Variants in RASSF6 observed in about 807,000 individuals in gnomAD.
The protein encoded by RASSF6 is ras association domain-containing protein 6.
A neutral mutation model predicts 44.0 loss-of-function variants in RASSF6; 52 were observed. The ratio of observed to expected loss-of-function variants is 1.18; its 90% CI spans 0.95 to 1.49. The LOEUF is 1.49. RASSF6 is among the 40% of genes most tolerant of loss of function. The pLI, the probability that RASSF6 is intolerant of heterozygous loss-of-function variation, is 0.00. For synonymous variants in RASSF6, 162 were observed against 124.6 expected, an observed-to-expected ratio of 1.30 and a Z score of -2.00; for missense variants, 464 against 393.3, an observed-to-expected ratio of 1.18 and a Z score of -1.52.
intron 4 of RASSF6, among the ~76,000 whole-genome samples, chr4:73,590,738 G>A (rs915521139): frequency 6.6e-6 from 1 of 152,166 alleles, no homozygotes; most frequent in Non-Finnish European, 1.5e-5. Flanking sequence ...TCTTGTTTGC[G>A]TGTGGTTCTG....
At chr4:73,593,619 A>C in intron 3 of RASSF6, 26 bp from the exon 4 acceptor site, 1 of 1,602,132 alleles carries the variant, frequency 6.2e-7, no homozygotes, top group Non-Finnish European at 8.5e-7. Flanking sequence ...ATAATCCCCC[A>C]ATTGTTTTTG....
chr4:73,612,248 A>G (rs985176225), intron 1 of RASSF6, among the ~76,000 whole-genome samples: 6 of 152,168 alleles, frequency 3.9e-5, no homozygotes, highest in Non-Finnish European at 8.8e-5. Context: ...GGTATGATGT[A>G]ATATTTTTCA....
chr4:73,583,523 C>T (rs566010683), intron 6 of RASSF6, among the ~76,000 whole-genome samples: 4 of 152,128 alleles, frequency 2.6e-5, no homozygotes, highest in Admixed American at 6.6e-5. Flanking sequence ...TAACAAGGGG[C>T]TTCATAGTAT....
intron 5 of RASSF6, among the ~76,000 whole-genome samples, chr4:73,587,043 C>T (rs1048470058): frequency 2.0e-5 from 3 of 152,120 alleles, no homozygotes; most frequent in South Asian, 2.1e-4. Flanking sequence ...GAACCCTGTC[C>T]ACCACCCCTC....
intron 1 of RASSF6, among the ~76,000 whole-genome samples, chr4:73,615,562 A>T (rs12647259): frequency 0.16 from 24,708 of 152,280 alleles, 2,418 homozygotes; most frequent in Non-Finnish European, 0.22. Flanking sequence ...TTACAAATCT[A>T]TGTAGGCCCT....
intron 7 of RASSF6, 97 bp from the exon 8 acceptor site, chr4:73,581,965 AT>A: frequency 1.1e-6 from 1 of 925,006 alleles, no homozygotes; most frequent in Non-Finnish European, 1.7e-6. Flanking sequence ...TCTCTCTTCC[AT>A]TTTTCACTTT....
chr4:73,578,805 T>C (rs1723417551), intron 8 of RASSF6, among the ~76,000 whole-genome samples: 1 of 151,704 alleles, frequency 6.6e-6, no homozygotes, highest in Non-Finnish European at 1.5e-5. Flanking sequence ...AAAGACGGGG[T>C]TTCACCATAG....
intron 2 of RASSF6, among the ~76,000 whole-genome samples, chr4:73,605,500 C>A (rs1222607129): frequency 6.6e-6 from 1 of 152,190 alleles, no homozygotes; most frequent in Non-Finnish European, 1.5e-5. Flanking sequence ...CAGGTCTTTT[C>A]GCTTTTGGCC....
chr4:73,620,395 C>G lies in RASSF6; in HGVS notation c.-142G>C. On this transcript the variant is annotated 5_prime_UTR_variant, in exon 1 of 11. Coordinates refer to ENST00000307439, the MANE Select transcript of RASSF6 (RefSeq NM_177532.5). Reference sequence around the variant, plus strand: ...GTCAGGAACTCTGGTAGAGGGAAACCAGTGCCCTGTCTCTGCCGGGCTGGG... The same window carrying G: ...GTCAGGAACTCTGGTAGAGGGAAACGAGTGCCCTGTCTCTGCCGGGCTGGG... 6.5e-7 allele frequency: 1 copy of G among 1,535,174 alleles called. No homozygotes were observed. Among genetic ancestry groups the G allele is most frequent in the Non-Finnish European group, 8.8e-7 (1 of 1,140,674 alleles).
chr4:73,580,940 T>A (rs1317600567), intron 8 of RASSF6, among the ~76,000 whole-genome samples: 1 of 148,096 alleles, frequency 6.8e-6, no homozygotes, highest in Non-Finnish European at 1.5e-5. Flanking sequence ...AGACATGAAG[T>A]CCTTGCCCAT....
chr4:73,614,464 A>G (rs1219300672), intron 1 of RASSF6, among the ~76,000 whole-genome samples: 1 of 152,214 alleles, frequency 6.6e-6, no homozygotes, highest in East Asian at 1.9e-4. Flanking sequence ...ACCATGTCAG[A>G]GCATAGCAAA....
chr4:73,588,054 C>T lies in RASSF6; in HGVS notation c.288-120G>A. The T allele has an allele frequency of 9.2e-6, 5 of 545,976 alleles. No individual in the cohort carries two copies. The South Asian group carries it at 1.7e-4, about 19-fold the overall frequency. 33.8% of individuals were successfully genotyped at this position (545,976 alleles called of 1,614,324 possible). ...GGGCCTCTGTAGGTGGATATATTGTCCAAAGTTATAACAATTTTATGATAT... is the reference window on the plus strand; with the variant it reads ...GGGCCTCTGTAGGTGGATATATTGTTCAAAGTTATAACAATTTTATGATAT... On this transcript the variant is annotated intron_variant, in intron 4 of 10. Coordinates refer to ENST00000307439, the MANE Select transcript of RASSF6 (RefSeq NM_177532.5).
chr4:73,604,993 G>C (rs1197605333), intron 2 of RASSF6, among the ~76,000 whole-genome samples: 1 of 150,800 alleles, frequency 6.6e-6, no homozygotes, highest in Non-Finnish European at 1.5e-5. Flanking sequence ...GGGTTCAAGT[G>C]ATTCTCTTGC....
At chr4:73,592,002 A>G (rs996957553) in intron 4 of RASSF6, among the ~76,000 whole-genome samples, 3 of 152,102 alleles carry the variant, frequency 2.0e-5, no homozygotes, top group African/African-American at 7.2e-5. Flanking sequence ...TGAGCCTCGT[A>G]TAGACTGAGG....
rs1723102995 is a variant in RASSF6 at position 73,574,700 on chromosome 4, T to C, written c.*1535A>G. ...CTAACACAGTTGTTCACTGTTAAGA[T>C]ACGACTTTTTTCATATACTTAGTGG... On this transcript the variant is annotated 3_prime_UTR_variant, in exon 11 of 11. Coordinates refer to ENST00000307439, the MANE Select transcript of RASSF6 (RefSeq NM_177532.5). The C allele has an allele frequency of 6.6e-6, 1 of 152,180 alleles. No homozygotes were observed. The highest frequency in any genetic ancestry group is 1.5e-5 in the Non-Finnish European group (1 of 68,036). 9.4% of individuals were successfully genotyped at this position (152,180 alleles called of 1,614,324 possible).
chr4:73,615,820 GCAATGCTGGAA>G, intron 1 of RASSF6: 1 of 1,272,828 alleles, frequency 7.9e-7, no homozygotes, highest in Non-Finnish European at 1.1e-6. Context: ...TAGCGTTCCA[GCAATGCTGGAA>G]CGTGGTTCAC....
At chr4:73,618,301 T>TCTATCTATCTATCTATCTATCTATC (rs141840617) in intron 1 of RASSF6, among the ~76,000 whole-genome samples, 2 of 150,216 alleles carry the variant, frequency 1.3e-5, no homozygotes, top group Non-Finnish European at 3.0e-5. Context: ...TATAAAGTTG[T>TCTATCTATCTATCTATCTATCTATC]TATCTATCTA....
At position 73,571,959 on chromosome 4, in the gene RASSF6, G is replaced by C. The variant is rs1480877479; in HGVS notation, c.*4276C>G. 1 of 152,094 alleles carries C rather than the reference G, an allele frequency of 6.6e-6. No homozygotes were observed. Among genetic ancestry groups the C allele is most frequent in the South Asian group, 2.1e-4 (1 of 4,826 alleles). The allele number at this position is 152,094 out of a possible 1,614,324, so 9.4% of individuals were successfully genotyped here. ...CCAGAAATTGTATGAGCTATACATT[G>C]CTATGTAACAAATTGCCCCAAATTT... On this transcript the variant is annotated 3_prime_UTR_variant, in exon 11 of 11. Transcript: ENST00000307439.
intron 2 of RASSF6, among the ~76,000 whole-genome samples, chr4:73,602,204 C>G (rs72863074): frequency 6.6e-6 from 1 of 152,130 alleles, no homozygotes; most frequent in Non-Finnish European, 1.5e-5. Flanking sequence ...GAATTCACTT[C>G]GCAGGCAATG....
Sources: gnomAD v4.1 joint callset for allele counts (sites outside exome capture counted in the v4.1 genomes callset) on GRCh38, gnomAD v4.1.1 for gene constraint, MANE v1.5 for transcripts, NCBI Gene and HGNC (gene_info 2026-07-23, HGNC 2026-07-21) for gene names.